Variants in CASR observed in about 807,000 individuals in gnomAD.
CASR encodes the protein calcium sensing receptor, also known as extracellular calcium-sensing receptor.
A neutral mutation model predicts 69.1 loss-of-function variants in CASR; 23 were observed. The ratio of observed to expected loss-of-function variants is 0.33; its 90% confidence interval spans 0.24 to 0.47. The LOEUF (loss-of-function observed/expected upper bound fraction) is 0.47. Among genes scored for constraint, CASR ranks in the 20% least tolerant of loss-of-function variants. The pLI, the probability that CASR is intolerant of heterozygous loss-of-function variation, is 1.00. For synonymous variants in CASR, 541 were observed against 544.7 expected, an observed-to-expected ratio of 0.99 and a Z score of 0.10; for missense variants, 924 against 1,356.1, an observed-to-expected ratio of 0.68 and a Z score of 5.00.
chr3:122,217,907 T>C (rs962135401), intron 1 of CASR, among the ~76,000 whole-genome samples: 1 of 152,038 alleles, frequency 6.6e-6, no homozygotes, highest in South Asian at 2.1e-4. Flanking sequence ...GATATTGGCA[T>C]AGGCATAGTC....
rs763865303 is a variant in CASR at position 122,284,592 on chromosome 3, G to T, written c.2638G>T (p.Ala880Ser). The change falls in exon 7 of 7, where the codon GCT becomes TCT. Residue 880 changes from alanine to serine, a missense_variant. Around this residue, in one of 8 missense-constraint regions of CASR, gnomAD observed 42 missense variants for 73.2 expected, o/e 0.57. Coordinates refer to ENST00000639785, the MANE Select transcript of CASR (RefSeq NM_000388.4). ...EEVRCSTAAH[A>S]FKVAARATLR... ...GGTGCGTTGCAGCACCGCAGCTCAC[G>T]CTTTCAAGGTGGCTGCCCGGGCCAC... 3.7e-6 allele frequency: 6 copies of T among 1,614,158 alleles called. No homozygotes were observed. In the Admixed American group the frequency reaches 1.0e-4, roughly 27 times the overall value.
At chr3:122,257,616 G>T (rs1346000848) in intron 3 of CASR, 4 of 479,180 alleles carry the variant, frequency 8.3e-6, no homozygotes, top group African/African-American at 3.9e-5. Context: ...AATGTACCTT[G>T]CATAAAACTG....
intron 1 of CASR, among the ~76,000 whole-genome samples, chr3:122,188,939 CAT>C (rs775151644): frequency 1.6e-4 from 25 of 152,330 alleles, no homozygotes; most frequent in South Asian, 4.1e-4. Context: ...ACAATACAGA[CAT>C]GTGTGATAGT....
In CASR at chr3:122,287,022, T is replaced by A. The variant is rs2074976235; in HGVS notation, c.*1831T>A. ...AGGATGACCCAAGTGAGGTGCCTGC[T>A]CCCCACCTAGGAAGGGCACCGGCCC... On this transcript the variant is annotated 3_prime_UTR_variant, in exon 7 of 7. Transcript: ENST00000639785. 6.6e-6 allele frequency: 1 copy of A among 152,124 alleles called. No individual in the cohort carries two copies. The highest frequency in any genetic ancestry group is 1.5e-5 in the Non-Finnish European group (1 of 68,036). The allele number at this position is 152,124 out of a possible 1,614,324, so 9.4% of individuals were successfully genotyped here. A position where few individuals can be genotyped will look rare whatever the true frequency, so the allele number is the denominator to read the frequency against.
chr3:122,211,086 C>T (rs2074060613), intron 1 of CASR, among the ~76,000 whole-genome samples: 2 of 152,102 alleles, frequency 1.3e-5, no homozygotes, highest in South Asian at 2.1e-4. Context: ...CAAAAATTAA[C>T]TCAAGATGAA....
At chr3:122,191,837 T>C (rs1457963729) in intron 1 of CASR, among the ~76,000 whole-genome samples, 1 of 152,196 alleles carries the variant, frequency 6.6e-6, no homozygotes, top group Non-Finnish European at 1.5e-5. Flanking sequence ...ACAAATATTT[T>C]AACTTTTCTT....
intron 1 of CASR, among the ~76,000 whole-genome samples, chr3:122,234,677 A>G (rs2074312392): frequency 1.3e-5 from 2 of 152,336 alleles, no homozygotes; most frequent in Middle Eastern, 6.8e-3. Flanking sequence ...GACCCTAGTC[A>G]TCTCTTACCC....
At position 122,284,973 on chromosome 3, in the gene CASR, C is replaced by A. The variant is rs1400464805; in HGVS notation, c.3019C>A (p.Leu1007Met). The change falls in exon 7 of 7, where the codon CTG (leucine) becomes ATG (methionine). Residue 1007 changes from leucine (L) to methionine (M), a missense_variant. This residue lies in a region of CASR where 201 missense variants were observed against 228.8 expected (regional missense o/e 0.88). Transcript: ENST00000639785. ...GGAGGCCCAGAAAAGCAGCGATACG[C>A]TGACCCGACACGAGCCATTACTCCC... ...SLEAQKSSDT[L>M]TRHEPLLPLQ... is the part of the protein sequence containing the mutation. The A allele has an allele frequency of 1.9e-6, 3 of 1,614,208 alleles. No individual in the cohort carries two copies. Among genetic ancestry groups the A allele is most frequent in the Non-Finnish European group, 2.5e-6 (3 of 1,180,028 alleles).
At position 122,252,429 on chromosome 3, in the gene CASR, G is replaced by GAAAGAAAGAAAGAA. The variant is rs1325663508; in HGVS notation, c.-242-1517_-242-1504dup. 4.9e-4 allele frequency among the ~76,000 whole-genome samples: 36 copies of GAAAGAAAGAAAGAA among 74,102 alleles called. 1 individual carries two copies. Among genetic ancestry groups the GAAAGAAAGAAAGAA allele is most frequent in the Non-Finnish European group, 9.0e-4 (34 of 37,736 alleles). The allele number at this position is 74,102 out of a possible 152,430, so 48.6% of individuals were successfully genotyped here. A position where few individuals can be genotyped will look rare whatever the true frequency, so the allele number is the denominator to read the frequency against. The stretch of plus-strand genomic sequence containing the variant: ...AAGGAAAAAGAAAGAAAGAAAGAAA[G>GAAAGAAAGAAAGAA]AAAGAAAGAAAGAAAGAAAAAAAAG... On this transcript the variant is annotated intron_variant, in intron 1 of 6. Transcript: ENST00000639785.
At chr3:122,190,831 G>T (rs759971561) in intron 1 of CASR, among the ~76,000 whole-genome samples, 31 of 152,206 alleles carry the variant, frequency 2.0e-4, no homozygotes, top group Non-Finnish European at 1.2e-4. Flanking sequence ...CCCAGAACAT[G>T]TCAGGAGATA....
At chr3:122,268,563 A>G (rs1274604281) in intron 4 of CASR, among the ~76,000 whole-genome samples, 5 of 152,198 alleles carry the variant, frequency 3.3e-5, no homozygotes, top group Admixed American at 3.3e-4. Context: ...TCCTTACACA[A>G]AGAGAAAGTA....
intron 1 of CASR, among the ~76,000 whole-genome samples, chr3:122,234,762 G>C (rs1374332001): frequency 2.0e-5 from 3 of 152,234 alleles, no homozygotes; most frequent in Non-Finnish European, 4.4e-5. Context: ...CAGGTTTATA[G>C]AAACATGTGT....
At chr3:122,227,742 T>C (rs1400374756) in intron 1 of CASR, among the ~76,000 whole-genome samples, 2 of 151,972 alleles carry the variant, frequency 1.3e-5, no homozygotes, top group African/African-American at 2.4e-5. Context: ...CACCTCTCAG[T>C]AGGAGCACTG....
intron 1 of CASR, among the ~76,000 whole-genome samples, chr3:122,214,723 C>T (rs1427079376): frequency 6.6e-6 from 1 of 152,190 alleles, no homozygotes; most frequent in East Asian, 1.9e-4. Flanking sequence ...TAAAATCTCT[C>T]CTGGCTGCTA....
chr3:122,187,836 AG>A (rs1349975198), intron 1 of CASR, among the ~76,000 whole-genome samples: 6 of 152,226 alleles, frequency 3.9e-5, no homozygotes, highest in African/African-American at 1.4e-4. Flanking sequence ...AGGAGCCAAG[AG>A]GTAGGGAGGC....
At position 122,254,262 on chromosome 3, in the gene CASR, C is replaced by T. The variant is rs201633414; in HGVS notation, c.73C>T (p.Arg25Ter). 9.9e-6 allele frequency: 16 copies of T among 1,613,862 alleles called. No individual in the cohort carries two copies. Among genetic ancestry groups the T allele is most frequent in the African/African-American group, 4.0e-5 (3 of 74,858 alleles). ...WHTSAYGPDQ[R>*]AQKKGDIILG... ...CACCTCTGCCTACGGGCCAGACCAG[C>T]GAGCCCAAAAGAAGGGGGACATTAT... Residue 25 changes from arginine (R) to a stop codon, truncating the protein, a stop_gained, in exon 2 of 7, where the codon CGA (arginine) becomes TGA (stop). Coordinates refer to ENST00000639785, the MANE Select transcript of CASR (RefSeq NM_000388.4). LOFTEE classifies it high-confidence loss of function.
rs1343974175 is a variant in CASR at position 122,262,427 on chromosome 3, T to G, written c.1377+15T>G. On this transcript the variant is annotated intron_variant, in intron 4 of 6. Transcript: ENST00000639785. ...AGGCGTGGCAGGTGCGTCCTTCACT[T>G]ATATAGCAATTTGCTGTATAATAAA... 2.5e-6 allele frequency: 4 copies of G among 1,607,356 alleles called. No homozygotes were observed. In the Admixed American group the frequency reaches 6.7e-5, roughly 27 times the overall value.
At chr3:122,215,531 AG>A (rs1309794939) in intron 1 of CASR, among the ~76,000 whole-genome samples, 2 of 152,262 alleles carry the variant, frequency 1.3e-5, no homozygotes, top group African/African-American at 2.4e-5. Context: ...CAAATCATGC[AG>A]AAAAGAACAC....
chr3:122,208,002 A>C (rs1051266125), intron 1 of CASR, among the ~76,000 whole-genome samples: 1 of 152,254 alleles, frequency 6.6e-6, no homozygotes, highest in South Asian at 2.1e-4. Context: ...TAATAATAAC[A>C]AAATGTGTTA....
Sources: gnomAD v4.1 joint callset for allele counts (sites outside exome capture counted in the v4.1 genomes callset) on GRCh38, gnomAD v4.1.1 for gene constraint, gnomAD v4.1.1 regional missense constraint, MANE v1.5 for transcripts, NCBI Gene and HGNC (gene_info 2026-07-23, HGNC 2026-07-21) for gene names.